The following DLGAP1 variants were observed in gnomAD, a reference collection of about 807,000 sequenced individuals.
DLGAP1 encodes DLG associated protein 1.
DLGAP1 carries 11 observed loss-of-function variants against 90.8 expected under a neutral mutation model. That is an observed-to-expected ratio of 0.12 (90% CI 0.08 to 0.20). The LOEUF (loss-of-function observed/expected upper bound fraction) is 0.20, where lower values mean the gene tolerates loss of function less well. Ranked by LOEUF, DLGAP1 falls within the 10% of genes least tolerant of loss-of-function variation. DLGAP1 has a pLI of 1.00. For synonymous variants in DLGAP1, 558 were observed against 540.7 expected, an observed-to-expected ratio of 1.03 and a Z score of -0.44; for missense variants, 1,050 against 1,333.8, an observed-to-expected ratio of 0.79 and a Z score of 3.31.
At chr18:3,799,711 G>A (rs1297733832) in intron 5 of DLGAP1, among the ~76,000 whole-genome samples, 1 of 152,116 alleles carries the variant, frequency 6.6e-6, no homozygotes, top group African/African-American at 2.4e-5. Context: ...CAGGGAAAGT[G>A]TTGGGGAGTG....
At chr18:4,153,990 A>G (rs778265936) in intron 1 of DLGAP1, among the ~76,000 whole-genome samples, 2 of 152,202 alleles carry the variant, frequency 1.3e-5, no homozygotes, top group Non-Finnish European at 2.9e-5. Context: ...GGAAGGTGGA[A>G]CAAGAACTCT....
intron 5 of DLGAP1, among the ~76,000 whole-genome samples, chr18:3,767,022 C>T (rs2064278602): frequency 6.6e-6 from 1 of 151,964 alleles, no homozygotes; most frequent in South Asian, 2.1e-4. Flanking sequence ...AATTTTTGCA[C>T]AAGCCTGACA....
At chr18:4,197,201 A>AG (rs1183837178) in intron 1 of DLGAP1, among the ~76,000 whole-genome samples, 2 of 149,544 alleles carry the variant, frequency 1.3e-5, no homozygotes, top group Non-Finnish European at 3.0e-5. Context: ...AAAAAAAAAA[A>AG]AAAAAAAGAA....
chr18:4,341,896 T>C (rs1328294487), intron 1 of DLGAP1, among the ~76,000 whole-genome samples: 1 of 152,076 alleles, frequency 6.6e-6, no homozygotes, highest in Non-Finnish European at 1.5e-5. Flanking sequence ...ATTAAACTGA[T>C]GTGAATTAAA....
intron 1 of DLGAP1, among the ~76,000 whole-genome samples, chr18:4,385,849 C>G (rs1327716481): frequency 6.6e-6 from 1 of 152,026 alleles, no homozygotes; most frequent in African/African-American, 2.4e-5. Context: ...AGTAAACATG[C>G]CTGTAAATTG....
At position 3,496,395 on chromosome 18, in the gene DLGAP1, CAG is replaced by C. The variant is rs1658522616; in HGVS notation, c.*2788_*2789del. 2 of 152,016 alleles carry C rather than the reference CAG, an allele frequency of 1.3e-5. No individual in the cohort carries two copies. The highest frequency in any genetic ancestry group is 2.9e-5 in the Non-Finnish European group (2 of 67,984). 9.4% of individuals were successfully genotyped at this position (152,016 alleles called of 1,614,324 possible). A position where few individuals can be genotyped will look rare whatever the true frequency, so the allele number is the denominator to read the frequency against. Reference sequence around the variant, plus strand: ...ACATTAAGGAAACATCTATAAATAACAGAAATATATTACAATAAATTAGTTCT... The same window carrying C: ...ACATTAAGGAAACATCTATAAATAACAAATATATTACAATAAATTAGTTCT... On this transcript the variant is annotated 3_prime_UTR_variant, in exon 13 of 13. Transcript: ENST00000315677.
chr18:4,087,117 C>T (rs9953889), intron 2 of DLGAP1, among the ~76,000 whole-genome samples: 59,470 of 114,134 alleles, frequency 0.52, 18,588 homozygotes, highest in Non-Finnish European at 0.59. Context: ...TATATATATA[C>T]ACACACACAT....
chr18:3,910,808 A>C (rs1186636144), intron 3 of DLGAP1, among the ~76,000 whole-genome samples: 1 of 152,146 alleles, frequency 6.6e-6, no homozygotes, highest in Non-Finnish European at 1.5e-5. Context: ...TAAATATATA[A>C]AAATATTGCA....
rs2076605983 is a variant in DLGAP1, at chr18:4,147,574, CA to C, written c.-159+3605del. ...TGCTAAACCTGTTCATCCATTCTTC[CA>C]TCCATCCATCCATCCATCCATCCAT... On this transcript the variant is annotated intron_variant, in intron 2 of 12. Transcript: ENST00000315677. Among the ~76,000 whole-genome samples, 4 of 11,882 alleles carry C rather than the reference CA, an allele frequency of 3.4e-4. No individual in the cohort carries two copies. The Admixed American group carries it at 3.4e-3, about 10-fold the overall frequency. 7.8% of individuals were successfully genotyped at this position (11,882 alleles called of 152,430 possible). A position where few individuals can be genotyped will look rare whatever the true frequency, so the allele number is the denominator to read the frequency against.
intron 7 of DLGAP1, among the ~76,000 whole-genome samples, chr18:3,652,354 G>T (rs2059343991): frequency 6.6e-6 from 1 of 151,952 alleles, no homozygotes; most frequent in Non-Finnish European, 1.5e-5. Context: ...TAGAGACAGG[G>T]TCTCGCTCTG....
chr18:4,012,012 C>T (rs1379671646), intron 2 of DLGAP1, among the ~76,000 whole-genome samples: 1 of 152,142 alleles, frequency 6.6e-6, no homozygotes, highest in Admixed American at 6.5e-5. Context: ...CCCAACAGAA[C>T]AGTTGACTCT....
intron 7 of DLGAP1, among the ~76,000 whole-genome samples, chr18:3,657,603 CTTT>C (rs1156440850): frequency 5.2e-5 from 7 of 134,324 alleles, no homozygotes; most frequent in Admixed American, 7.4e-5. Context: ...CCATGGAATT[CTTT>C]TTTTTTTTTT....
intron 3 of DLGAP1, among the ~76,000 whole-genome samples, chr18:3,932,491 C>T (rs1442387): frequency 3.3e-5 from 5 of 152,206 alleles, no homozygotes; most frequent in East Asian, 1.9e-4. Context: ...AATACCCTTG[C>T]GGGGGAGCCT....
At chr18:4,114,494 T>G (rs1435711648) in intron 2 of DLGAP1, among the ~76,000 whole-genome samples, 1 of 152,160 alleles carries the variant, frequency 6.6e-6, no homozygotes, top group East Asian at 1.9e-4. Flanking sequence ...GTTTAACAGT[T>G]TCAGGAGGTT....
rs1339065054 is a variant in DLGAP1, at chr18:3,729,998, G to A, written c.1351-623C>T. Among the ~76,000 whole-genome samples the A allele has an allele frequency of 1.3e-5, 2 of 152,138 alleles. No homozygotes were observed. Among genetic ancestry groups the A allele is most frequent in the South Asian group, 2.1e-4 (1 of 4,834 alleles). On this transcript the variant is annotated intron_variant, in intron 6 of 12. Transcript: ENST00000315677. This position sits in a 1 kb window ranked among gnomAD's most constrained non-coding sequence, Gnocchi z 6.2. ...CTATATTTTCTGGCAAGATACTCACGTTTTGCACAAAAATAGACTAAACTC... is the reference window on the plus strand; with the variant it reads ...CTATATTTTCTGGCAAGATACTCACATTTTGCACAAAAATAGACTAAACTC...
At chr18:3,634,321 A>T (rs2058623184) in intron 7 of DLGAP1, among the ~76,000 whole-genome samples, 1 of 152,148 alleles carries the variant, frequency 6.6e-6, no homozygotes, top group Non-Finnish European at 1.5e-5. Flanking sequence ...TTTATTTATA[A>T]TCTACTCCAA....
rs148353828 is a variant in DLGAP1, at chr18:3,820,349, C to T, written c.958-6076G>A. On this transcript the variant is annotated intron_variant, in intron 4 of 12. Transcript: ENST00000315677. ...GAGATTTGGGAGGAAAACTGATGAA[C>T]CCAAGGCTGTGAGTACATAAAGCAA... Among the ~76,000 whole-genome samples, 334 of 152,212 alleles carry T rather than the reference C, an allele frequency of 2.2e-3. 2 individuals carry two copies. The highest frequency in any genetic ancestry group is 7.7e-3 in the African/African-American group (318 of 41,530).
intron 5 of DLGAP1, among the ~76,000 whole-genome samples, chr18:3,782,627 CA>C (rs1189755530): frequency 6.6e-6 from 1 of 152,172 alleles, no homozygotes; most frequent in Non-Finnish European, 1.5e-5. Context: ...CAAAGTCCAC[CA>C]AAATGTTTTC....
At chr18:4,190,021 C>T (rs4798199) in intron 1 of DLGAP1, among the ~76,000 whole-genome samples, 20 of 151,802 alleles carry the variant, frequency 1.3e-4, no homozygotes, top group Non-Finnish European at 2.2e-4. Flanking sequence ...CTTGTGATAA[C>T]ATACAGCAAT....
Sources: allele counts gnomAD v4.1 joint callset (sites outside exome capture counted in the v4.1 genomes callset), GRCh38; gene constraint gnomAD v4.1.1; non-coding constraint Gnocchi (gnomAD v3.1); transcripts MANE v1.5; gene names NCBI Gene and HGNC (gene_info 2026-07-23, HGNC 2026-07-21).